Variants in DNAH2 observed in about 807,000 individuals in gnomAD.
DNAH2 encodes the protein axonemal beta dynein heavy chain 2.
In DNAH2, 323 loss-of-function variants were observed where a neutral mutation model predicts 523.5. The observed-to-expected ratio is 0.62, with a 90% CI of 0.56 to 0.68. The LOEUF (loss-of-function observed/expected upper bound fraction) is 0.68, where lower values mean the gene tolerates loss of function less well. Among genes scored for constraint, DNAH2 ranks in the 30% least tolerant of loss-of-function variants. DNAH2 has a pLI of 0.00. For synonymous variants in DNAH2, 2,093 were observed against 2,177.4 expected (o/e 0.96, Z 1.08); for missense variants, 4,907 against 5,701.5 (o/e 0.86, Z 4.49).
intron 74 of DNAH2, 63 bp from the exon 75 acceptor site, chr17:7,823,771 G>T: frequency 6.3e-7 from 1 of 1,592,056 alleles, no homozygotes. Context: ...GTGCCCCTTT[G>T]TCTGGATTCC....
Position 7,743,286 on chromosome 17 carries a change from T to C in DNAH2, c.1904+144T>C, listed in dbSNP as rs1176843657. 4 of 961,646 alleles carry C rather than the reference T, an allele frequency of 4.2e-6. No homozygotes were observed. In the South Asian group the frequency reaches 4.2e-5, roughly 10 times the overall value. The allele number at this position is 961,646 out of a possible 1,614,324, so 59.6% of individuals were successfully genotyped here. A position where few individuals can be genotyped will look rare whatever the true frequency, so the allele number is the denominator to read the frequency against. ...TTGCTATCGTCATTTTACTTTTTTT[T>C]TTCTTCTTTTATTTTTGTCTCTCCC... On this transcript the variant is annotated intron_variant, in intron 12 of 85. Transcript: ENST00000572933.
chr17:7,719,665 G>C, intron 1 of DNAH2, 56 bp from the exon 2 acceptor site: 2 of 1,599,468 alleles, frequency 1.3e-6, no homozygotes, highest in South Asian at 2.2e-5. Flanking sequence ...TTGTATCAGG[G>C]GGCTGGTTCA....
chr17:7,770,127 C>A, intron 24 of DNAH2, 125 bp from the exon 25 acceptor site: 1 of 1,307,400 alleles, frequency 7.6e-7, no homozygotes, highest in Non-Finnish European at 1.0e-6. Flanking sequence ...CATCTTCGAG[C>A]CTGTTTAGCA....
chr17:7,808,991 C>T (rs990607279), intron 63 of DNAH2, among the ~76,000 whole-genome samples: 1 of 152,204 alleles, frequency 6.6e-6, no homozygotes, highest in Non-Finnish European at 1.5e-5. Context: ...CTTTTTACCA[C>T]TGCATGATAT....
At chr17:7,772,448 C>A (rs1463036063) in intron 28 of DNAH2, among the ~76,000 whole-genome samples, 3 of 152,178 alleles carry the variant, frequency 2.0e-5, no homozygotes, top group African/African-American at 4.8e-5. Context: ...ACAATGATCC[C>A]TTTGTTGAAT....
At chr17:7,732,921 AT>A (rs1285516810) in intron 4 of DNAH2, among the ~76,000 whole-genome samples, 165 bp from the exon 5 acceptor site, 2 of 152,214 alleles carry the variant, frequency 1.3e-5, no homozygotes, top group African/African-American at 4.8e-5. Context: ...ATCTCTGGAT[AT>A]GGAATCATAT....
rs2076587273 is a variant in DNAH2 at position 7,780,906 on chromosome 17, TC to T, written c.6003+128del. 13 of 1,579,914 alleles carry T rather than the reference TC, an allele frequency of 8.2e-6. No individual in the cohort carries two copies. In the South Asian group the frequency reaches 1.5e-4, roughly 18 times the overall value. Reference sequence around the variant, plus strand: ...ATTCTCACCTTCCCACCTCGTCCCATCCCCGTGTTGCCCGCTGCTTTGCTAA... The same window carrying T: ...ATTCTCACCTTCCCACCTCGTCCCATCCCGTGTTGCCCGCTGCTTTGCTAA... On this transcript the variant is annotated intron_variant, in intron 38 of 85. Coordinates refer to ENST00000572933, the MANE Select transcript of DNAH2 (RefSeq NM_020877.5). The surrounding 1 kb of genome is among the most constrained non-coding windows in gnomAD (Gnocchi z 4.4).
Position 7,817,832 on chromosome 17 carries a change from G to T in DNAH2, c.10212G>T (p.Trp3404Cys). 1 of 1,614,108 alleles carries T rather than the reference G, an allele frequency of 6.2e-7. No individual in the cohort carries two copies. The highest frequency in any genetic ancestry group is 8.5e-7 in the Non-Finnish European group (1 of 1,180,014). Residue 3404 changes from tryptophan to cysteine, a missense_variant, in exon 67 of 86, where the codon TGG becomes TGT. Physicochemically the swap from Trp to Cys is radical, Grantham distance 215 (BLOSUM62 -2). Transcript: ENST00000572933. Reference sequence around the variant, plus strand: ...ACCCTCAGGCCCAGGCCCTGAAATGGATTAAGAACATGGAAGGAGGCCAGG... The same window carrying T: ...ACCCTCAGGCCCAGGCCCTGAAATGTATTAAGAACATGGAAGGAGGCCAGG... ...MIDPQAQALKWIKNMEGGQGL... is the reference protein window; with the variant it reads ...MIDPQAQALKCIKNMEGGQGL...
At chr17:7,765,757 G>C (rs1007773289) in intron 21 of DNAH2, among the ~76,000 whole-genome samples, 192 bp downstream of exon 21, 3 of 151,932 alleles carry the variant, frequency 2.0e-5, no homozygotes, top group Admixed American at 1.3e-4. Flanking sequence ...CAGCGGCGCA[G>C]CTCACAGCAT....
rs541930299 is a variant in DNAH2, at chr17:7,828,144, C to G, written c.11854-2156C>G. Among the ~76,000 whole-genome samples, 11 of 152,144 alleles carry G rather than the reference C, an allele frequency of 7.2e-5. No homozygotes were observed. The South Asian group carries it at 1.2e-3, about 17-fold the overall frequency. On this transcript the variant is annotated intron_variant, in intron 77 of 85. Transcript: ENST00000572933. The surrounding 1 kb of genome is among the most constrained non-coding windows in gnomAD (Gnocchi z 4.1). The stretch of plus-strand genomic sequence containing the variant: ...ATGTTGGCCAGGCTGGTCTTGGACT[C>G]CTGGACTTAAGCTGTCCTCCCACTT...
At chr17:7,830,953 A>AC (rs1491165437) in intron 79 of DNAH2, 111 bp downstream of exon 79, 8 of 1,531,070 alleles carry the variant, frequency 5.2e-6, no homozygotes, top group Non-Finnish European at 7.1e-6. Flanking sequence ...GGAAGAAGAC[A>AC]GAGTTTGTGG....
intron 59 of DNAH2, 25 bp downstream of exon 59, chr17:7,804,491 G>C: frequency 6.2e-7 from 1 of 1,608,600 alleles, no homozygotes; most frequent in Non-Finnish European, 8.5e-7. Context: ...CCCACCCCCC[G>C]TGCCCCACTC....
rs201371626 is a variant in DNAH2 at position 7,798,551 on chromosome 17, C to T, written c.8399-7C>T. 3.0e-5 allele frequency: 49 copies of T among 1,613,656 alleles called. No individual in the cohort carries two copies. Among genetic ancestry groups the T allele is most frequent in the South Asian group, 3.0e-4 (27 of 91,056 alleles). ...GTGAGTTTGTCCTCCTTCCCTCCCC[C>T]GGCCAGATATCAAGCGTCTGTATCG... On this transcript the variant is annotated splice_region_variant and splice_polypyrimidine_tract_variant and intron_variant, in intron 54 of 85. Coordinates refer to ENST00000572933, the MANE Select transcript of DNAH2 (RefSeq NM_020877.5). The surrounding 1 kb of genome is among the most constrained non-coding windows in gnomAD (Gnocchi z 5.5).
rs2078248571 is a variant in DNAH2, at chr17:7,833,359, T to G, written c.13130-20T>G. Reference sequence around the variant, plus strand: ...TCCCGGAGGCTCCAGGGGTCTGACTTCTCCTCTCCTTTCCCCCAGGCATGT... The same window carrying G: ...TCCCGGAGGCTCCAGGGGTCTGACTGCTCCTCTCCTTTCCCCCAGGCATGT... On this transcript the variant is annotated intron_variant, in intron 85 of 85. Coordinates refer to ENST00000572933, the MANE Select transcript of DNAH2 (RefSeq NM_020877.5). 1 of 1,612,674 alleles carries G rather than the reference T, an allele frequency of 6.2e-7. No homozygotes were observed. Among genetic ancestry groups the G allele is most frequent in the Non-Finnish European group, 8.5e-7 (1 of 1,179,434 alleles).
At chr17:7,824,439 A>G (rs2077962186) in intron 76 of DNAH2, 98 bp from the exon 77 acceptor site, 1 of 1,395,092 alleles carries the variant, frequency 7.2e-7, no homozygotes, top group Non-Finnish European at 9.4e-7. Flanking sequence ...TCTTAGTGTT[A>G]GGCCCCCCCA....
chr17:7,719,732 A>G lies in DNAH2; in HGVS notation c.-3A>G. ...CTGTATACCTGTAGGTTTTGCCTGC[A>G]CGATGTCCAGCAAAGCTGAGAAGAA... On this transcript the variant is annotated 5_prime_UTR_variant, in exon 2 of 86. Transcript: ENST00000572933. The G allele has an allele frequency of 1.2e-6, 2 of 1,614,176 alleles. No individual in the cohort carries two copies. The highest frequency in any genetic ancestry group is 2.2e-5 in the South Asian group (2 of 91,086).
chr17:7,777,021 C>T, intron 32 of DNAH2, 132 bp downstream of exon 32: 1 of 650,436 alleles, frequency 1.5e-6, no homozygotes, highest in Non-Finnish European at 2.6e-6. Flanking sequence ...CCTTCTTTAC[C>T]AAAAAATACA....
Position 7,760,412 on chromosome 17 carries a change from G to A in DNAH2, c.2786-328G>A, listed in dbSNP as rs1404939590. Among the ~76,000 whole-genome samples the A allele has an allele frequency of 6.6e-6, 1 of 151,890 alleles. No homozygotes were observed. On this transcript the variant is annotated intron_variant, in intron 17 of 85. Coordinates refer to ENST00000572933, the MANE Select transcript of DNAH2 (RefSeq NM_020877.5). The surrounding 1 kb of genome is among the most constrained non-coding windows in gnomAD (Gnocchi z 4.0). ...AGACTGGGGAAGGGAGCAGGGGCTTGGATGGGGGTTGAGATTAGGTGACTG... is the reference window on the plus strand; with the variant it reads ...AGACTGGGGAAGGGAGCAGGGGCTTAGATGGGGGTTGAGATTAGGTGACTG...
intron 58 of DNAH2, among the ~76,000 whole-genome samples, chr17:7,802,683 A>G (rs77539123): frequency 2.0e-5 from 3 of 151,266 alleles, no homozygotes; most frequent in Admixed American, 6.6e-5. Flanking sequence ...TTTTTTTTTT[A>G]GACGGAGTCT....
Sources: allele counts gnomAD v4.1 joint callset (sites outside exome capture counted in the v4.1 genomes callset), GRCh38; gene constraint gnomAD v4.1.1; non-coding constraint Gnocchi (gnomAD v3.1); transcripts MANE v1.5; gene names NCBI Gene and HGNC (gene_info 2026-07-23, HGNC 2026-07-21).